Variants in CATSPERT observed in about 807,000 individuals in gnomAD.
CATSPERT encodes cation channel sperm-associated targeting subunit tau.
the CATSPERT span, among the ~76,000 whole-genome samples, chr2:201,520,150 C>T: frequency 2.6e-5 from 4 of 152,186 alleles, no homozygotes; most frequent in African/African-American, 9.6e-5. Context: ...CACCCAATAC[C>T]ACAGCACCCA....
At chr2:201,587,716 G>A in the CATSPERT span, among the ~76,000 whole-genome samples, 1 of 151,790 alleles carries the variant, frequency 6.6e-6, no homozygotes, top group African/African-American at 2.4e-5. Context: ...ATCTATGGAT[G>A]GATTTTTAAT....
chr2:201,607,150 C>G, the CATSPERT span, among the ~76,000 whole-genome samples: 1 of 152,122 alleles, frequency 6.6e-6, no homozygotes, highest in Non-Finnish European at 1.5e-5. Flanking sequence ...AAGATATACA[C>G]TGGCTAAATG....
chr2:201,585,442 TTA>T, the CATSPERT span, among the ~76,000 whole-genome samples: 2 of 150,668 alleles, frequency 1.3e-5, no homozygotes, highest in African/African-American at 4.9e-5. Flanking sequence ...AACAAAATCA[TTA>T]TGTCACCAAC....
At chr2:201,538,402 T>C in the CATSPERT span, among the ~76,000 whole-genome samples, 3 of 152,124 alleles carry the variant, frequency 2.0e-5, no homozygotes, top group African/African-American at 7.2e-5. Context: ...TCTCTTTTTA[T>C]TGCACTTCTC....
chr2:201,572,998 T>C, the CATSPERT span, among the ~76,000 whole-genome samples: 1 of 152,132 alleles, frequency 6.6e-6, no homozygotes, highest in African/African-American at 2.4e-5. Flanking sequence ...AAAAATGATA[T>C]GCAAATAAAG....
At chr2:201,539,420 A>G in the CATSPERT span, among the ~76,000 whole-genome samples, 1 of 149,908 alleles carries the variant, frequency 6.7e-6, no homozygotes, top group African/African-American at 2.4e-5. Context: ...ATGATCAGTG[A>G]TGTTGAGCAT....
the CATSPERT span, among the ~76,000 whole-genome samples, chr2:201,578,529 T>C: frequency 6.6e-6 from 1 of 152,158 alleles, no homozygotes; most frequent in East Asian, 1.9e-4. Flanking sequence ...ATTTCAGATA[T>C]TTTACTTTTC....
At chr2:201,579,746 A>G in the CATSPERT span, among the ~76,000 whole-genome samples, 1 of 151,750 alleles carries the variant, frequency 6.6e-6, no homozygotes, top group Non-Finnish European at 1.5e-5. Context: ...TTCTGTACTT[A>G]TCTTAAGGTA....
the CATSPERT span, among the ~76,000 whole-genome samples, chr2:201,576,363 C>T: frequency 1.3e-5 from 2 of 152,160 alleles, no homozygotes; most frequent in East Asian, 1.9e-4. Flanking sequence ...TTCAGCAGCT[C>T]GAAACAGCCA....
At chr2:201,547,611 C>T in the CATSPERT span, 1 of 1,452,634 alleles carries the variant, frequency 6.9e-7, no homozygotes, top group East Asian at 2.3e-5. Context: ...CTTTTCCAGC[C>T]TAAAGAAAGA....
chr2:201,519,996 C>T, the CATSPERT span, among the ~76,000 whole-genome samples: 9 of 151,940 alleles, frequency 5.9e-5, no homozygotes, highest in South Asian at 2.1e-4. Context: ...CAAACAGAAA[C>T]GAAAAGCAAG....
At chr2:201,588,395 C>T in the CATSPERT span, among the ~76,000 whole-genome samples, 1 of 151,832 alleles carries the variant, frequency 6.6e-6, no homozygotes, top group African/African-American at 2.4e-5. Context: ...ACAAAACCCA[C>T]ATGATTATCT....
the CATSPERT span, chr2:201,601,601 T>C: frequency 8.1e-6 from 6 of 738,356 alleles, no homozygotes; most frequent in East Asian, 3.0e-5. Context: ...AGAAATAGAA[T>C]ACTGTAAGAT....
the CATSPERT span, among the ~76,000 whole-genome samples, chr2:201,574,806 A>G: frequency 6.6e-6 from 1 of 152,176 alleles, no homozygotes; most frequent in Non-Finnish European, 1.5e-5. Context: ...ACTGGCAGCA[A>G]AAGCCTCTCT....
the CATSPERT span, among the ~76,000 whole-genome samples, chr2:201,512,119 G>A: frequency 6.6e-6 from 1 of 151,908 alleles, no homozygotes; most frequent in African/African-American, 2.4e-5. Context: ...ATTTAATTTT[G>A]TTTTATATGT....
At chr2:201,590,390 C>T in the CATSPERT span, among the ~76,000 whole-genome samples, 13 of 151,842 alleles carry the variant, frequency 8.6e-5, no homozygotes, top group South Asian at 2.1e-4. Flanking sequence ...TATCATTGTT[C>T]GACATTTGGG....
chr2:201,493,464 C>T, the CATSPERT span: 8 of 1,537,218 alleles, frequency 5.2e-6, no homozygotes, highest in Non-Finnish European at 2.6e-6. Context: ...TCCCCGTACC[C>T]AGCAAAGAAC....
At chr2:201,563,406 C>T in the CATSPERT span, among the ~76,000 whole-genome samples, 263 of 110,624 alleles carry the variant, frequency 2.4e-3, 4 homozygotes, top group Middle Eastern at 0.039. Context: ...GGCGGCTGGC[C>T]GGGCGGGGGG....
the CATSPERT span, among the ~76,000 whole-genome samples, chr2:201,542,857 A>G: frequency 6.6e-6 from 1 of 152,094 alleles, no homozygotes; most frequent in African/African-American, 2.4e-5. Flanking sequence ...TTAATTTGAT[A>G]TAGCCCCACT....
Sources: allele counts gnomAD v4.1 joint callset (sites outside exome capture counted in the v4.1 genomes callset), GRCh38; gene constraint gnomAD v4.1.1; transcripts MANE v1.5; gene names NCBI Gene and HGNC (gene_info 2026-07-23, HGNC 2026-07-21).